ONECUT1: variants seen among roughly 807,000 people sequenced by gnomAD.
ONECUT1 encodes one cut homeobox 1, also known as hepatocyte nuclear factor 6.
Under a neutral mutation model 25.6 loss-of-function variants are expected in ONECUT1, and 12 were observed. The observed-to-expected ratio is 0.47, with a 90% CI of 0.30 to 0.76. The LOEUF is 0.76. Among genes scored for constraint, ONECUT1 ranks in the 30% least tolerant of loss-of-function variants. The pLI is 0.07. For synonymous variants in ONECUT1, 285 were observed against 270.2 expected (o/e 1.05, Z -0.54); for missense variants, 620 against 651.2 (o/e 0.95, Z 0.52).
chr15:52,759,129 G>A (rs1205729866), intron 1 of ONECUT1, among the ~76,000 whole-genome samples: 1 of 152,178 alleles, frequency 6.6e-6, no homozygotes, highest in Non-Finnish European at 1.5e-5. Flanking sequence ...GATGGACGGG[G>A]CATGCTTCGT....
intron 1 of ONECUT1, among the ~76,000 whole-genome samples, chr15:52,777,744 A>AAAAAAAC (rs753677708): frequency 0.034 from 4,923 of 145,424 alleles, 190 homozygotes; most frequent in Non-Finnish European, 0.056. Context: ...ACACAAAAAA[A>AAAAAAAC]CATGTAAAGT....
chr15:52,789,609 C>G lies in ONECUT1; in HGVS notation c.276G>C (p.Glu92Asp). 6.4e-7 allele frequency: 1 copy of G among 1,565,006 alleles called. No individual in the cohort carries two copies. The highest frequency in any genetic ancestry group is 8.7e-7 in the Non-Finnish European group (1 of 1,152,784). ...TGGGCATGCTCATACCTGGGGGAGT[C>G]TCGCAGGCCATGGTCATGGTGGGAT... Reference protein sequence around the residue: ...PLHPTMTMACETPPGMSMPTT... With the variant: ...PLHPTMTMACDTPPGMSMPTT... The change falls in exon 1 of 2, where the codon GAG (glutamate) becomes GAC (aspartate). Residue 92 changes from glutamate (E) to aspartate (D), a missense_variant. By Grantham distance (45) the Glu-to-Asp change is conservative. Around this residue, in one of 4 missense-constraint regions of ONECUT1, gnomAD observed 440 missense variants for 404.9 expected, o/e 1.09. Transcript: ENST00000305901. This position sits in a 1 kb window ranked among gnomAD's most constrained non-coding sequence, Gnocchi z 4.1.
chr15:52,772,110 T>C (rs1336509232), intron 1 of ONECUT1, among the ~76,000 whole-genome samples: 1 of 152,146 alleles, frequency 6.6e-6, no homozygotes, highest in African/African-American at 2.4e-5. Flanking sequence ...AAAAGCGAGA[T>C]GTGGCCGGGT....
chr15:52,784,690 A>C lies in ONECUT1; in HGVS notation c.1105+4090T>G, dbSNP rs1374461041. 6.6e-6 allele frequency among the ~76,000 whole-genome samples: 1 copy of C among 152,248 alleles called. No individual in the cohort carries two copies. The highest frequency in any genetic ancestry group is 1.5e-5 in the Non-Finnish European group (1 of 68,046). ...AGACACCGGCCGTGAGACAGGCACCACGCAGAGCCTTCTGGTGACTGTCCG... is the reference window on the plus strand; with the variant it reads ...AGACACCGGCCGTGAGACAGGCACCCCGCAGAGCCTTCTGGTGACTGTCCG... On this transcript the variant is annotated intron_variant, in intron 1 of 1. Coordinates refer to ENST00000305901, the MANE Select transcript of ONECUT1 (RefSeq NM_004498.4). This position sits in a 1 kb window ranked among gnomAD's most constrained non-coding sequence, Gnocchi z 5.0.
intron 1 of ONECUT1, 48 bp from the exon 2 acceptor site, chr15:52,757,895 T>C: frequency 6.4e-7 from 1 of 1,564,136 alleles, no homozygotes. Flanking sequence ...TAGGGGAGAA[T>C]CATGAGTAGA....
chr15:52,788,937 C>A lies in ONECUT1; in HGVS notation c.948G>T (p.Ala316=), dbSNP rs148187087. The A allele has an allele frequency of 4.3e-6, 7 of 1,613,786 alleles. No homozygotes were observed. The highest frequency in any genetic ancestry group is 5.9e-6 in the Non-Finnish European group (7 of 1,180,040). Residue 316 remains alanine (A), a synonymous_variant, in exon 1 of 2, where the codon GCG becomes GCT. Transcript: ENST00000305901. The surrounding 1 kb of genome is among the most constrained non-coding windows in gnomAD (Gnocchi z 4.3). ...KRYSIPQAIF[A]QRVLCRSQGT... is the part of the protein sequence containing the mutation. ...CCTGGGAGCGGCAGAGCACCCTCTG[C>A]GCGAAGATGGCCTGTGGGATGCTGT...
intron 1 of ONECUT1, among the ~76,000 whole-genome samples, chr15:52,775,396 C>T (rs1201066438): frequency 6.6e-6 from 1 of 151,438 alleles, no homozygotes; most frequent in South Asian, 2.1e-4. Flanking sequence ...TTAGTACTTT[C>T]CCTAGAAAGT....
At position 52,757,560 on chromosome 15, in the gene ONECUT1, C is replaced by T; in HGVS notation, c.1393G>A (p.Ala465Thr). 1.2e-6 allele frequency: 2 copies of T among 1,608,218 alleles called. No homozygotes were observed. The highest frequency in any genetic ancestry group is 1.7e-4 in the Middle Eastern group (1 of 6,024). ...TTTAGTTTGTGGTTCTTCCTTCATG[C>T]TTTGGTACAAGTGCTTGATGAAGAA... is the stretch of plus-strand genomic sequence containing the variant. ...SSSSSSTCTKA is the reference protein window; with the variant it reads ...SSSSSSTCTKT The change falls in exon 2 of 2, where the codon GCA becomes ACA. Residue 465 changes from alanine (A) to threonine (T), a missense_variant. Transcript: ENST00000305901.
Position 52,773,846 on chromosome 15 carries a change from G to A in ONECUT1, c.1105+14934C>T, listed in dbSNP as rs1458887699. Among the ~76,000 whole-genome samples the A allele has an allele frequency of 2.0e-5, 3 of 152,264 alleles. No individual in the cohort carries two copies. The East Asian group carries it at 5.8e-4, about 29-fold the overall frequency. ...GTAAGCCACTGGAAAAAAAAGGAAT[G>A]CCTGAGTCCACTCCAATCATAAATG... On this transcript the variant is annotated intron_variant, in intron 1 of 1. Coordinates refer to ENST00000305901, the MANE Select transcript of ONECUT1 (RefSeq NM_004498.4).
At chr15:52,763,140 G>T (rs2083715318) in intron 1 of ONECUT1, among the ~76,000 whole-genome samples, 1 of 149,064 alleles carries the variant, frequency 6.7e-6, no homozygotes, top group South Asian at 2.1e-4. Flanking sequence ...TAAGTGGAAG[G>T]AGATGGCCAT....
At chr15:52,762,699 T>G (rs1397236597) in intron 1 of ONECUT1, among the ~76,000 whole-genome samples, 2 of 152,202 alleles carry the variant, frequency 1.3e-5, no homozygotes, top group Non-Finnish European at 2.9e-5. Context: ...TGATTAGATC[T>G]GGAGGAAATG....
intron 1 of ONECUT1, among the ~76,000 whole-genome samples, chr15:52,781,844 G>A (rs1299652355): frequency 6.6e-6 from 1 of 152,134 alleles, no homozygotes; most frequent in African/African-American, 2.4e-5. Flanking sequence ...GGAACCACTG[G>A]TATAAATGTT....
Position 52,789,854 on chromosome 15 carries a change from C to G in ONECUT1, c.31G>C (p.Gly11Arg). 6 of 1,543,016 alleles carry G rather than the reference C, an allele frequency of 3.9e-6. No individual in the cohort carries two copies. The highest frequency in any genetic ancestry group is 5.2e-6 in the Non-Finnish European group (6 of 1,155,470). The change falls in exon 1 of 2, where the codon GGC becomes CGC. Residue 11 changes from glycine to arginine, a missense_variant. Gly to Arg is a moderately radical substitution (Grantham distance 125, BLOSUM62 -2). Coordinates refer to ENST00000305901, the MANE Select transcript of ONECUT1 (RefSeq NM_004498.4). This position sits in a 1 kb window ranked among gnomAD's most constrained non-coding sequence, Gnocchi z 4.1. MNAQLTMEAI[G>R]ELHGVSHEPV... ...TCATGGCTCACCCCGTGCAGCTCGC[C>G]GATCGCTTCCATGGTCAGCTGCGCG...
chr15:52,786,647 C>T (rs976094011), intron 1 of ONECUT1, among the ~76,000 whole-genome samples: 1 of 152,268 alleles, frequency 6.6e-6, no homozygotes, highest in African/African-American at 2.4e-5. Flanking sequence ...CTCCCTCCCC[C>T]TCCACAGTGC....
In ONECUT1 at chr15:52,789,919, C is replaced by G; in HGVS notation, c.-35G>C. On this transcript the variant is annotated 5_prime_UTR_variant, in exon 1 of 2. Coordinates refer to ENST00000305901, the MANE Select transcript of ONECUT1 (RefSeq NM_004498.4). This position sits in a 1 kb window ranked among gnomAD's most constrained non-coding sequence, Gnocchi z 4.1. The stretch of plus-strand genomic sequence containing the variant: ...GGCGAGCAGGCGGCGGACACAACAT[C>G]GATGTGGCCAGGCAGAGGCGGCGAG... The G allele has an allele frequency of 1.3e-6, 2 of 1,495,570 alleles. No homozygotes were observed. The highest frequency in any genetic ancestry group is 8.8e-7 in the Non-Finnish European group (1 of 1,134,818). The allele number at this position is 1,495,570 out of a possible 1,614,324, so 92.6% of individuals were successfully genotyped here.
intron 1 of ONECUT1, among the ~76,000 whole-genome samples, chr15:52,759,006 T>A (rs894606113): frequency 2.6e-5 from 4 of 152,242 alleles, no homozygotes; most frequent in African/African-American, 9.6e-5. Flanking sequence ...AAGGCTCCTA[T>A]GCCCTCACTG....
In ONECUT1 at chr15:52,757,252, T is replaced by A; in HGVS notation, c.*303A>T. ...TGTCCGCTCAATGGCTCAAAATCAC[T>A]ATGCTCCAAACCACTAAACAGCCAA... On this transcript the variant is annotated 3_prime_UTR_variant, in exon 2 of 2. Coordinates refer to ENST00000305901, the MANE Select transcript of ONECUT1 (RefSeq NM_004498.4). The A allele has an allele frequency of 3.1e-6, 1 of 325,132 alleles. No homozygotes were observed. Among genetic ancestry groups the A allele is most frequent in the Non-Finnish European group, 5.6e-6 (1 of 177,940 alleles). 20.1% of individuals were successfully genotyped at this position (325,132 alleles called of 1,614,324 possible). A position where few individuals can be genotyped will look rare whatever the true frequency, so the allele number is the denominator to read the frequency against.
chr15:52,776,169 G>A (rs2141456797), intron 1 of ONECUT1, among the ~76,000 whole-genome samples: 1 of 152,314 alleles, frequency 6.6e-6, no homozygotes, highest in Admixed American at 6.5e-5. Flanking sequence ...TTCCGGTGAG[G>A]CAGAAACAAT....
chr15:52,765,482 C>A (rs751862754), intron 1 of ONECUT1, among the ~76,000 whole-genome samples: 1 of 152,220 alleles, frequency 6.6e-6, no homozygotes, highest in Admixed American at 6.5e-5. Flanking sequence ...TGAAGACCCT[C>A]TCTTGTCAGC....
Sources: gnomAD v4.1 joint callset for allele counts (sites outside exome capture counted in the v4.1 genomes callset) on GRCh38, gnomAD v4.1.1 for gene constraint, gnomAD v4.1.1 regional missense constraint, Gnocchi (gnomAD v3.1) non-coding constraint, MANE v1.5 for transcripts, NCBI Gene and HGNC (gene_info 2026-07-23, HGNC 2026-07-21) for gene names.